The following HTR3E variants were observed in gnomAD, a reference collection of about 807,000 sequenced individuals.
HTR3E encodes 5-hydroxytryptamine (serotonin) receptor 3, family member E.
Under a neutral mutation model 38.0 loss-of-function variants are expected in HTR3E, and 38 were observed. The observed-to-expected ratio is 1.00, with a 90% CI of 0.77 to 1.31. The LOEUF (loss-of-function observed/expected upper bound fraction) is 1.31. HTR3E is among the 50% of genes most tolerant of loss of function. The pLI is 0.00. For missense variants in HTR3E, 547 were observed against 585.2 expected (o/e 0.93, Z 0.67); for synonymous variants, 210 against 232.9 (o/e 0.90, Z 0.89).
Position 184,105,841 on chromosome 3 carries a change from C to T in HTR3E, c.797C>T (p.Ala266Val), listed in dbSNP as rs748743009. Residue 266 changes from alanine (A) to valine (V), a missense_variant, in exon 7 of 9, where the codon GCC becomes GTC. Ala to Val is a moderately conservative substitution (Grantham distance 64). Coordinates refer to ENST00000415389, the MANE Select transcript of HTR3E (RefSeq NM_001256613.2). ...AGTGGCTTTCTGGTTGCCATCGATG[C>T]CCTCAGCTTCTACCTGCCAGTGAAA... ...VPSGFLVAIDALSFYLPVKSG... is the reference protein window; with the variant it reads ...VPSGFLVAIDVLSFYLPVKSG... The T allele has an allele frequency of 6.2e-7, 1 of 1,614,114 alleles. No homozygotes were observed. Among genetic ancestry groups the T allele is most frequent in the African/African-American group, 1.3e-5 (1 of 75,020 alleles).
chr3:184,106,553 C>T lies in HTR3E; in HGVS notation c.1231C>T (p.Arg411Trp), dbSNP rs373862991. ...TGGSEWTRAQ[R>W]EHEAQKQHSV... ...GGGCTCAGAATGGACAAGGGCCCAGCGGGAACACGAGGCCCAGAAGCAGCA... is the reference window on the plus strand; with the variant it reads ...GGGCTCAGAATGGACAAGGGCCCAGTGGGAACACGAGGCCCAGAAGCAGCA... The change falls in exon 9 of 9, where the codon CGG becomes TGG. Residue 411 changes from arginine to tryptophan, a missense_variant. Coordinates refer to ENST00000415389, the MANE Select transcript of HTR3E (RefSeq NM_001256613.2). This position sits in a 1 kb window ranked among gnomAD's most constrained non-coding sequence, Gnocchi z 4.1. The T allele has an allele frequency of 6.2e-5, 100 of 1,613,794 alleles. No individual in the cohort carries two copies. In the South Asian group the frequency reaches 8.2e-4, roughly 13 times the overall value.
rs376896674 is a variant in HTR3E at position 184,100,105 on chromosome 3, G to C, written c.68-380G>C. ...AGAGCCCAGCGTCTGGACCCCTCTC[G>C]GTGATCCCCTCCCCATTCTTCATCT... is the stretch of plus-strand genomic sequence containing the variant. On this transcript the variant is annotated intron_variant, in intron 1 of 8. Coordinates refer to ENST00000415389, the MANE Select transcript of HTR3E (RefSeq NM_001256613.2). 5.2e-5 allele frequency: 66 copies of C among 1,265,988 alleles called. No homozygotes were observed. In the East Asian group the frequency reaches 2.1e-3, roughly 40 times the overall value. 78.4% of individuals were successfully genotyped at this position (1,265,988 alleles called of 1,614,324 possible).
At position 184,106,949 on chromosome 3, in the gene HTR3E, A is replaced by G. The variant is rs1024673741; in HGVS notation, c.*256A>G. ...TCTTACGTCATCTGCATAGCAGACT[A>G]TACCTCTTCTGTCCGCTGACTTGCC... is the stretch of plus-strand genomic sequence containing the variant. On this transcript the variant is annotated 3_prime_UTR_variant, in exon 9 of 9. Transcript: ENST00000415389. This position sits in a 1 kb window ranked among gnomAD's most constrained non-coding sequence, Gnocchi z 4.1. The G allele has an allele frequency of 4.3e-6, 2 of 462,370 alleles. No individual in the cohort carries two copies. The highest frequency in any genetic ancestry group is 7.7e-6 in the Non-Finnish European group (2 of 261,024). 28.6% of individuals were successfully genotyped at this position (462,370 alleles called of 1,614,324 possible).
chr3:184,100,224 A>G, intron 1 of HTR3E: 1 of 1,389,432 alleles, frequency 7.2e-7, no homozygotes, highest in Non-Finnish European at 9.5e-7. Context: ...GACTGTAGGA[A>G]GTTACTTCCT....
In HTR3E at chr3:184,101,655, A is replaced by G. The variant is rs115176457; in HGVS notation, c.279+126A>G. 511 of 824,732 alleles carry G rather than the reference A, an allele frequency of 6.2e-4. 1 individual carries two copies. The African/African-American group carries it at 6.7e-3, about 11-fold the overall frequency. The allele number at this position is 824,732 out of a possible 1,614,324, so 51.1% of individuals were successfully genotyped here. A position where few individuals can be genotyped will look rare whatever the true frequency, so the allele number is the denominator to read the frequency against. ...AAACACATGAAGGAGAAATTGAAAA[A>G]TCGACCATAATGGTGAGGGGCTTTA... On this transcript the variant is annotated intron_variant, in intron 3 of 8. Coordinates refer to ENST00000415389, the MANE Select transcript of HTR3E (RefSeq NM_001256613.2).
intron 1 of HTR3E, among the ~76,000 whole-genome samples, chr3:184,099,937 G>C (rs1251404465): frequency 3.3e-5 from 5 of 152,054 alleles, no homozygotes; most frequent in Admixed American, 3.3e-4. Flanking sequence ...AACATTCCAG[G>C]CACAGTTTGC....
At position 184,097,336 on chromosome 3, in the gene HTR3E, T is replaced by G; in HGVS notation, c.-194T>G. ...AAATACCTAAGACTAAGATAAAGTCTTAAAAGCAGACTGAACCTTAAGCAT... is the reference window on the plus strand; with the variant it reads ...AAATACCTAAGACTAAGATAAAGTCGTAAAAGCAGACTGAACCTTAAGCAT... On this transcript the variant is annotated 5_prime_UTR_variant, in exon 1 of 9. Coordinates refer to ENST00000415389, the MANE Select transcript of HTR3E (RefSeq NM_001256613.2). 1 of 573,716 alleles carries G rather than the reference T, an allele frequency of 1.7e-6. No individual in the cohort carries two copies. Among genetic ancestry groups the G allele is most frequent in the Middle Eastern group, 2.8e-4 (1 of 3,554 alleles). The allele number at this position is 573,716 out of a possible 1,614,324, so 35.5% of individuals were successfully genotyped here.
intron 6 of HTR3E, 121 bp downstream of exon 6, chr3:184,105,548 C>T: frequency 1.7e-6 from 2 of 1,184,166 alleles, no homozygotes; most frequent in Non-Finnish European, 2.4e-6. Flanking sequence ...CTCCTGGCTT[C>T]CCAGCCTCAT....
chr3:184,105,586 CCTAA>C (rs1412563533), intron 6 of HTR3E, among the ~76,000 whole-genome samples, 159 bp downstream of exon 6: 3 of 152,214 alleles, frequency 2.0e-5, no homozygotes, highest in East Asian at 3.8e-4. Context: ...AGGGCTCTGG[CCTAA>C]CTGTCTCTTT....
At chr3:184,102,976 T>C (rs530670316) in intron 3 of HTR3E, among the ~76,000 whole-genome samples, 1 of 151,148 alleles carries the variant, frequency 6.6e-6, no homozygotes, top group African/African-American at 2.4e-5. Flanking sequence ...AAAATTAAAC[T>C]TCTAAATATT....
chr3:184,105,232 C>T, intron 5 of HTR3E, 35 bp from the exon 6 acceptor site: 2 of 1,568,614 alleles, frequency 1.3e-6, no homozygotes, highest in Non-Finnish European at 1.7e-6. Context: ...GAAACTATCT[C>T]CTTGAAAAAT....
In HTR3E at chr3:184,097,616, G is replaced by C. The variant is rs1182898168; in HGVS notation, c.67+20G>C. 1 of 1,523,102 alleles carries C rather than the reference G, an allele frequency of 6.6e-7. No individual in the cohort carries two copies. Among genetic ancestry groups the C allele is most frequent in the East Asian group, 2.4e-5 (1 of 40,828 alleles). 94.3% of individuals were successfully genotyped at this position (1,523,102 alleles called of 1,614,324 possible). A position where few individuals can be genotyped will look rare whatever the true frequency, so the allele number is the denominator to read the frequency against. ...TTCAAGGTAAGAAAGGAGCAATGATGGGGGAAGGCGGAAGAAGGAGGACCT... is the reference window on the plus strand; with the variant it reads ...TTCAAGGTAAGAAAGGAGCAATGATCGGGGAAGGCGGAAGAAGGAGGACCT... On this transcript the variant is annotated intron_variant, in intron 1 of 8. Coordinates refer to ENST00000415389, the MANE Select transcript of HTR3E (RefSeq NM_001256613.2).
At chr3:184,101,605 T>G in intron 3 of HTR3E, 76 bp downstream of exon 3, 1 of 1,207,048 alleles carries the variant, frequency 8.3e-7, no homozygotes, top group Non-Finnish European at 1.2e-6. Flanking sequence ...TAATTATGAA[T>G]TTTTATGTCC....
intron 1 of HTR3E, among the ~76,000 whole-genome samples, chr3:184,097,862 A>G (rs1372125656): frequency 6.6e-6 from 1 of 152,198 alleles, no homozygotes; most frequent in Non-Finnish European, 1.5e-5. Flanking sequence ...ATCCTTTCAC[A>G]TATGGATATC....
chr3:184,106,918 G>A lies in HTR3E; in HGVS notation c.*225G>A. On this transcript the variant is annotated 3_prime_UTR_variant, in exon 9 of 9. Transcript: ENST00000415389. This position sits in a 1 kb window ranked among gnomAD's most constrained non-coding sequence, Gnocchi z 4.1. ...CCTTCAGTCCTACCATATGGTTCTA[G>A]GTCCCTCTTACGTCATCTGCATAGC... The A allele has an allele frequency of 1.7e-6, 1 of 582,150 alleles. No homozygotes were observed. Among genetic ancestry groups the A allele is most frequent in the South Asian group, 2.2e-5 (1 of 45,060 alleles). 36.1% of individuals were successfully genotyped at this position (582,150 alleles called of 1,614,324 possible).
chr3:184,104,775 T>G lies in HTR3E; in HGVS notation c.390-12T>G. On this transcript the variant is annotated splice_polypyrimidine_tract_variant and intron_variant, in intron 4 of 8. Transcript: ENST00000415389. ...ACTGCAGCACCTGCCTCTTGCGTTATCTCTCCTCCAGCATGGATGTGGATA... is the reference window on the plus strand; with the variant it reads ...ACTGCAGCACCTGCCTCTTGCGTTAGCTCTCCTCCAGCATGGATGTGGATA... 1 of 1,568,274 alleles carries G rather than the reference T, an allele frequency of 6.4e-7. No individual in the cohort carries two copies.
rs1266833935 is a variant in HTR3E at position 184,105,958 on chromosome 3, C to T, written c.914C>T (p.Thr305Ile). ...AGTGACTTGCTCCCCACCAGTGGCA[C>T]CCCCCTCATCGGTATGGCTCCTCCC... is the stretch of plus-strand genomic sequence containing the variant. ...MMSDLLPTSG[T>I]PLIGVYFALC... The change falls in exon 7 of 9, where the codon ACC becomes ATC. Residue 305 changes from threonine (T) to isoleucine (I), a missense_variant. Physicochemically the swap from Thr to Ile is moderately conservative, Grantham distance 89 (BLOSUM62 -1). Coordinates refer to ENST00000415389, the MANE Select transcript of HTR3E (RefSeq NM_001256613.2). The T allele has an allele frequency of 6.2e-7, 1 of 1,614,000 alleles. No individual in the cohort carries two copies.
chr3:184,100,516 A>G lies in HTR3E; in HGVS notation c.99A>G (p.Ser33=). 1 of 1,614,118 alleles carries G rather than the reference A, an allele frequency of 6.2e-7. No homozygotes were observed. Among genetic ancestry groups the G allele is most frequent in the South Asian group, 1.1e-5 (1 of 91,076 alleles). Residue 33 remains serine (S), a synonymous_variant, in exon 2 of 9, where the codon TCA becomes TCG. Transcript: ENST00000415389. ...GRGVTFTINC[S]GFGQHGADPT... ...GCGTTACTTTCACCATCAATTGCTC[A>G]GGGTTTGGCCAGCACGGGGCGGATC...
intron 1 of HTR3E, 152 bp from the exon 2 acceptor site, chr3:184,100,333 G>T: frequency 6.4e-7 from 1 of 1,571,394 alleles, no homozygotes; most frequent in African/African-American, 1.4e-5. Flanking sequence ...CATTTTTAAA[G>T]GGCTTAGAAT....
Sources: allele counts gnomAD v4.1 joint callset (sites outside exome capture counted in the v4.1 genomes callset), GRCh38; gene constraint gnomAD v4.1.1; non-coding constraint Gnocchi (gnomAD v3.1); transcripts MANE v1.5; gene names NCBI Gene and HGNC (gene_info 2026-07-23, HGNC 2026-07-21).